Variants in NLN observed in about 807,000 individuals in gnomAD.
NLN encodes the protein neurolysin, also known as neurolysin, mitochondrial.
In NLN, 64 loss-of-function variants were observed where a neutral mutation model predicts 79.9. The ratio of observed to expected loss-of-function variants is 0.80; its 90% CI spans 0.65 to 0.99. The LOEUF (loss-of-function observed/expected upper bound fraction) is 0.99, where lower values mean the gene tolerates loss of function less well. NLN is among the 50% of genes least tolerant of loss of function. The pLI is 0.00. For synonymous variants in NLN, 267 were observed against 296.6 expected (o/e 0.90, Z 1.02); for missense variants, 835 against 858.7 (o/e 0.97, Z 0.34).
intron 9 of NLN, among the ~76,000 whole-genome samples, chr5:65,799,423 A>G (rs546902882): frequency 7.1e-4 from 108 of 152,358 alleles, no homozygotes; most frequent in African/African-American, 2.6e-3. Flanking sequence ...AAGAATGATA[A>G]CAAGGGAAAA....
At chr5:65,795,745 C>T (rs891097052) in intron 9 of NLN, among the ~76,000 whole-genome samples, 1 of 152,118 alleles carries the variant, frequency 6.6e-6, no homozygotes, top group African/African-American at 2.4e-5. Context: ...AAATATTTAT[C>T]GTGTGGACCT....
chr5:65,745,220 A>G lies in NLN; in HGVS notation c.42-13347A>G, dbSNP rs547211974. Among the ~76,000 whole-genome samples, 9 of 152,348 alleles carry G rather than the reference A, an allele frequency of 5.9e-5. 1 individual carries two copies. The highest frequency in any genetic ancestry group is 1.2e-4 in the African/African-American group (5 of 41,580). On this transcript the variant is annotated intron_variant, in intron 1 of 12. Coordinates refer to ENST00000380985, the MANE Select transcript of NLN (RefSeq NM_020726.5). ...CTGCAGCAATCTCTCAGGGAGTGGT[A>G]TAGATAACAAGTCAGACATGTGATG...
At chr5:65,732,427 A>G (rs1758631036) in intron 1 of NLN, among the ~76,000 whole-genome samples, 1 of 141,274 alleles carries the variant, frequency 7.1e-6, no homozygotes, top group African/African-American at 2.7e-5. Flanking sequence ...AGAGGAGAGT[A>G]TGAAAGAAGG....
intron 3 of NLN, among the ~76,000 whole-genome samples, chr5:65,775,749 C>T (rs1759666801): frequency 1.3e-5 from 2 of 152,196 alleles, no homozygotes; most frequent in South Asian, 4.1e-4. Context: ...TGTGGGTTTC[C>T]TCCCTTTGCA....
intron 1 of NLN, among the ~76,000 whole-genome samples, chr5:65,755,171 C>T (rs558987689): frequency 1.6e-4 from 24 of 152,152 alleles, no homozygotes; most frequent in Non-Finnish European, 2.5e-4. Context: ...AGCTCAGTCT[C>T]TCTAAATATC....
chr5:65,825,186 G>A lies in NLN; in HGVS notation c.*2271G>A, dbSNP rs1760891230. ...ATTCTCTAGCATAATTCAAAAGAAA[G>A]GACTTAACTTTTTTTTTTTTAGTGT... On this transcript the variant is annotated 3_prime_UTR_variant, in exon 13 of 13. Transcript: ENST00000380985. 6.6e-6 allele frequency: 1 copy of A among 151,914 alleles called. No individual in the cohort carries two copies. The highest frequency in any genetic ancestry group is 2.1e-4 in the South Asian group (1 of 4,820). The allele number at this position is 151,914 out of a possible 1,614,324, so 9.4% of individuals were successfully genotyped here.
rs1378837703 is a variant in NLN, at chr5:65,828,028, AAAT to A, written c.*5120_*5122del. ...TGAAACTCTTGTCTCAAAAGTAAAAAAATAATAATGTTTAAAAATATTTCAATG... is the reference window on the plus strand; with the variant it reads ...TGAAACTCTTGTCTCAAAAGTAAAAAAATAATGTTTAAAAATATTTCAATG... On this transcript the variant is annotated 3_prime_UTR_variant, in exon 13 of 13. Coordinates refer to ENST00000380985, the MANE Select transcript of NLN (RefSeq NM_020726.5). The A allele has an allele frequency of 2.0e-5, 3 of 152,238 alleles. No individual in the cohort carries two copies. The highest frequency in any genetic ancestry group is 4.8e-5 in the African/African-American group (2 of 41,468). 9.4% of individuals were successfully genotyped at this position (152,238 alleles called of 1,614,324 possible).
intron 6 of NLN, among the ~76,000 whole-genome samples, chr5:65,782,379 C>T (rs1475566186): frequency 6.6e-6 from 1 of 152,184 alleles, no homozygotes; most frequent in African/African-American, 2.4e-5. Context: ...ATACAGCCTC[C>T]TCAAAAATGT....
At chr5:65,752,512 G>A (rs959695952) in intron 1 of NLN, among the ~76,000 whole-genome samples, 3 of 152,196 alleles carry the variant, frequency 2.0e-5, no homozygotes, top group Admixed American at 6.5e-5. Flanking sequence ...AAAAGTCAGA[G>A]AAAAATCTTC....
At chr5:65,786,033 G>A (rs1160199783) in intron 7 of NLN, 123 bp downstream of exon 7, 5 of 825,454 alleles carry the variant, frequency 6.1e-6, no homozygotes, top group Non-Finnish European at 9.3e-6. Context: ...GAAGTATATT[G>A]ATCACCTATT....
intron 9 of NLN, among the ~76,000 whole-genome samples, chr5:65,802,180 C>G (rs1561208976): frequency 6.6e-6 from 1 of 152,234 alleles, no homozygotes; most frequent in Admixed American, 6.5e-5. Flanking sequence ...AGGCTGCACT[C>G]AGCTCGCACT....
chr5:65,799,056 A>AT (rs1328571333), intron 9 of NLN, among the ~76,000 whole-genome samples: 1 of 152,038 alleles, frequency 6.6e-6, no homozygotes, highest in Non-Finnish European at 1.5e-5. Context: ...TAATTTTTGT[A>AT]TTTTTTGTAG....
intron 1 of NLN, among the ~76,000 whole-genome samples, chr5:65,754,424 C>T (rs775502503): frequency 3.3e-5 from 5 of 152,054 alleles, no homozygotes; most frequent in African/African-American, 1.2e-4. Context: ...AGAACGTGAA[C>T]TATGTTGGGG....
intron 8 of NLN, among the ~76,000 whole-genome samples, chr5:65,791,606 C>T (rs1427499963): frequency 6.6e-6 from 1 of 151,978 alleles, no homozygotes; most frequent in African/African-American, 2.4e-5. Flanking sequence ...ATATGTAATA[C>T]CAGCTACTCA....
chr5:65,756,529 C>T (rs1178886445), intron 1 of NLN, among the ~76,000 whole-genome samples: 1 of 152,126 alleles, frequency 6.6e-6, no homozygotes, highest in East Asian at 1.9e-4. Context: ...TTTTACAAAC[C>T]TTTCAACTCA....
At chr5:65,759,663 AG>A (rs1403950556) in intron 2 of NLN, among the ~76,000 whole-genome samples, 1 of 152,146 alleles carries the variant, frequency 6.6e-6, no homozygotes, top group African/African-American at 2.4e-5. Context: ...TCCCTTGTTC[AG>A]GGAGTCTTTT....
In NLN at chr5:65,765,074, G is replaced by C. The variant is rs78163135; in HGVS notation, c.450+1966G>C. Among the ~76,000 whole-genome samples, 301 of 152,294 alleles carry C rather than the reference G, an allele frequency of 2.0e-3. 7 individuals are homozygous for C. The East Asian group carries it at 0.051, about 26-fold the overall frequency. On this transcript the variant is annotated intron_variant, in intron 3 of 12. Coordinates refer to ENST00000380985, the MANE Select transcript of NLN (RefSeq NM_020726.5). ...ACTGTAAGTTAAATAGGATAGCCAT[G>C]ATATAGCATATAAAGCCTTCATTAA...
chr5:65,799,474 A>ATTCTCCCCAGGGC (rs1760236337), intron 9 of NLN, among the ~76,000 whole-genome samples: 1 of 152,188 alleles, frequency 6.6e-6, no homozygotes, highest in African/African-American at 2.4e-5. Context: ...ATACAGAAAT[A>ATTCTCCCCAGGGC]TTCTCCCCAG....
At chr5:65,730,011 G>A (rs1367001760) in intron 1 of NLN, among the ~76,000 whole-genome samples, 1 of 152,204 alleles carries the variant, frequency 6.6e-6, no homozygotes, top group Non-Finnish European at 1.5e-5. Flanking sequence ...CTCCGTATCT[G>A]TTTCCTCCTC....
Sources: allele counts gnomAD v4.1 joint callset (sites outside exome capture counted in the v4.1 genomes callset), GRCh38; gene constraint gnomAD v4.1.1; transcripts MANE v1.5; gene names NCBI Gene and HGNC (gene_info 2026-07-23, HGNC 2026-07-21).